Variants in ABLIM1 observed in about 807,000 individuals in gnomAD.
ABLIM1 encodes actin binding LIM protein 1.
In ABLIM1, 40 loss-of-function variants were observed where a neutral mutation model predicts 107.0. The ratio of observed to expected loss-of-function variants is 0.37; its 90% CI spans 0.29 to 0.49. ABLIM1 has a LOEUF of 0.49. Among genes scored for constraint, ABLIM1 ranks in the 20% least tolerant of loss-of-function variants. The pLI, the probability that ABLIM1 is intolerant of heterozygous loss-of-function variation, is 0.97. For synonymous variants in ABLIM1, 357 were observed against 357.3 expected (o/e 1.00, Z 0.01); for missense variants, 857 against 1,008.5 (o/e 0.85, Z 2.04).
chr10:114,673,617 T>C (rs1452884121), intron 1 of ABLIM1, among the ~76,000 whole-genome samples: 3 of 152,234 alleles, frequency 2.0e-5, no homozygotes, highest in Non-Finnish European at 4.4e-5. Context: ...TCCGCTTCAG[T>C]GTCAGCTCCT....
chr10:114,800,107 A>G, the ABLIM1 span, among the ~76,000 whole-genome samples: 11 of 152,198 alleles, frequency 7.2e-5, no homozygotes, highest in Non-Finnish European at 1.5e-4. Flanking sequence ...AAAAAAATTG[A>G]GTGTGTTTGT....
intron 1 of ABLIM1, among the ~76,000 whole-genome samples, chr10:114,755,798 T>C (rs1019890095): frequency 6.6e-6 from 1 of 152,252 alleles, no homozygotes; most frequent in Non-Finnish European, 1.5e-5. Flanking sequence ...CCAGCTCTGC[T>C]GGGGCCTTGT....
intron 4 of ABLIM1, among the ~76,000 whole-genome samples, chr10:114,558,016 G>T (rs1314460841): frequency 6.6e-6 from 1 of 152,060 alleles, no homozygotes; most frequent in Non-Finnish European, 1.5e-5. Flanking sequence ...CAGTCAGGGA[G>T]ATAGATTTGA....
intron 4 of ABLIM1, among the ~76,000 whole-genome samples, chr10:114,562,904 G>A (rs747542326): frequency 1.3e-5 from 2 of 152,134 alleles, no homozygotes; most frequent in South Asian, 2.1e-4. Flanking sequence ...AGTAGCTGAC[G>A]GTCTGGTCAG....
chr10:114,518,733 T>C (rs2063291853), intron 6 of ABLIM1, among the ~76,000 whole-genome samples: 4 of 151,810 alleles, frequency 2.6e-5, no homozygotes, highest in Admixed American at 2.6e-4. Flanking sequence ...ATGTACTATC[T>C]GGCCCATTAC....
At chr10:114,552,129 C>T (rs575239848) in intron 4 of ABLIM1, among the ~76,000 whole-genome samples, 1 of 152,282 alleles carries the variant, frequency 6.6e-6, no homozygotes, top group South Asian at 2.1e-4. Flanking sequence ...TTTCACAGAG[C>T]CTACCCACTC....
intron 11 of ABLIM1, among the ~76,000 whole-genome samples, chr10:114,467,559 T>C (rs988727206): frequency 1.3e-5 from 2 of 152,236 alleles, no homozygotes; most frequent in African/African-American, 4.8e-5. Context: ...GCTTCAAGCT[T>C]GCACAGTTGG....
At chr10:114,713,875 C>T (rs1343380136) in intron 1 of ABLIM1, among the ~76,000 whole-genome samples, 1 of 152,162 alleles carries the variant, frequency 6.6e-6, no homozygotes, top group Non-Finnish European at 1.5e-5. Flanking sequence ...ATTTACACAA[C>T]AGATTGAATG....
chr10:114,614,837 C>T (rs1002751712), intron 1 of ABLIM1, among the ~76,000 whole-genome samples: 3 of 151,954 alleles, frequency 2.0e-5, no homozygotes, highest in African/African-American at 7.3e-5. Context: ...GTGGATCACC[C>T]GAGGTTGGGA....
chr10:114,801,243 G>A, the ABLIM1 span, among the ~76,000 whole-genome samples: 3 of 151,762 alleles, frequency 2.0e-5, no homozygotes, highest in Non-Finnish European at 4.4e-5. Flanking sequence ...GCAAAACCCT[G>A]TCTCTATTAA....
chr10:114,789,832 C>CA, the ABLIM1 span, among the ~76,000 whole-genome samples: 1 of 151,860 alleles, frequency 6.6e-6, no homozygotes, highest in Non-Finnish European at 1.5e-5. Flanking sequence ...CTCTATCCCC[C>CA]AGGCTGAAGT....
chr10:114,485,338 T>C, intron 8 of ABLIM1: 1 of 1,613,240 alleles, frequency 6.2e-7, no homozygotes, highest in Non-Finnish European at 8.5e-7. Context: ...ATCAGACTTT[T>C]GGAATAAAAG....
chr10:114,510,006 A>T (rs887278484), intron 6 of ABLIM1, among the ~76,000 whole-genome samples: 22 of 152,164 alleles, frequency 1.4e-4, no homozygotes, highest in Non-Finnish European at 2.8e-4. Context: ...TGTGAGACTT[A>T]TTCACTACCA....
In ABLIM1 at chr10:114,529,598, G is replaced by T. The variant is rs558878704; in HGVS notation, c.894+15407C>A. ...CCAGATGAAAAGAGTGAAGAACGCC[G>T]TGTGGAGTCAAGAGGTTCAAGTCAC... On this transcript the variant is annotated intron_variant, in intron 6 of 22. Transcript: ENST00000533213. Among the ~76,000 whole-genome samples, 67 of 152,314 alleles carry T rather than the reference G, an allele frequency of 4.4e-4. 1 individual carries two copies. The highest frequency in any genetic ancestry group is 1.6e-3 in the African/African-American group (67 of 41,566).
chr10:114,796,491 T>G, the ABLIM1 span, among the ~76,000 whole-genome samples: 1 of 152,050 alleles, frequency 6.6e-6, no homozygotes, highest in South Asian at 2.1e-4. Context: ...TAGACAAGAG[T>G]GAACACTAGC....
At chr10:114,668,367 T>G (rs1007882784) in intron 1 of ABLIM1, among the ~76,000 whole-genome samples, 8 of 152,172 alleles carry the variant, frequency 5.3e-5, no homozygotes, top group Non-Finnish European at 1.0e-4. Flanking sequence ...GGCCATTCCT[T>G]TCTTACATGG....
At chr10:114,447,252 G>C (rs1388529916) in intron 15 of ABLIM1, among the ~76,000 whole-genome samples, 2 of 152,148 alleles carry the variant, frequency 1.3e-5, no homozygotes, top group East Asian at 3.8e-4. Context: ...AGCAAAGAAT[G>C]AAACAGCTGA....
intron 1 of ABLIM1, among the ~76,000 whole-genome samples, chr10:114,606,003 T>G (rs1186617309): frequency 6.6e-6 from 1 of 152,034 alleles, no homozygotes. Context: ...TAATCTTCAG[T>G]GCAGTCAAGC....
chr10:114,654,977 T>A (rs1187453790), intron 1 of ABLIM1, among the ~76,000 whole-genome samples: 5 of 152,174 alleles, frequency 3.3e-5, no homozygotes, highest in Admixed American at 2.0e-4. Flanking sequence ...GATTGAGCTG[T>A]TGACACACTG....
Sources: allele counts gnomAD v4.1 joint callset (sites outside exome capture counted in the v4.1 genomes callset), GRCh38; gene constraint gnomAD v4.1.1; transcripts MANE v1.5; gene names NCBI Gene and HGNC (gene_info 2026-07-23, HGNC 2026-07-21).